ITCH: variants seen among roughly 807,000 people sequenced by gnomAD.
ITCH encodes itchy E3 ubiquitin protein ligase, also known as E3 ubiquitin-protein ligase Itchy homolog.
In ITCH, 28 loss-of-function variants were observed where a neutral mutation model predicts 126.8. That is an observed-to-expected ratio of 0.22 (90% confidence interval 0.16 to 0.30). The LOEUF (loss-of-function observed/expected upper bound fraction) is 0.30, where lower values mean the gene tolerates loss of function less well. ITCH is among the 10% of genes least tolerant of loss of function. The probability of loss-of-function intolerance (pLI) is 1.00; values close to 1 mark genes in which losing one functional copy is unlikely to be tolerated. For synonymous variants in ITCH, 342 were observed against 340.0 expected (o/e 1.01, Z -0.06); for missense variants, 631 against 1,032.4 (o/e 0.61, Z 5.33).
chr20:34,444,466 A>C (rs534261040), intron 10 of ITCH, among the ~76,000 whole-genome samples: 124 of 152,146 alleles, frequency 8.2e-4, no homozygotes, highest in African/African-American at 2.7e-3. Flanking sequence ...GCCTGTAATC[A>C]CAGCTACTCA....
intron 23 of ITCH, among the ~76,000 whole-genome samples, chr20:34,498,769 T>C (rs1005468524): frequency 6.6e-6 from 1 of 152,092 alleles, no homozygotes; most frequent in Admixed American, 6.6e-5. Flanking sequence ...TTTTCTTTTC[T>C]TTTCTTTTCC....
At chr20:34,428,200 C>G (rs1163537716) in intron 7 of ITCH, among the ~76,000 whole-genome samples, 1 of 152,196 alleles carries the variant, frequency 6.6e-6, no homozygotes, top group African/African-American at 2.4e-5. Context: ...TTAAATGTTA[C>G]TACACAATAA....
chr20:34,420,343 T>G (rs1333211635), intron 6 of ITCH, among the ~76,000 whole-genome samples: 1 of 152,242 alleles, frequency 6.6e-6, no homozygotes, highest in Non-Finnish European at 1.5e-5. Context: ...TGACTTTTTT[T>G]GTTTGGATTC....
At chr20:34,442,926 A>G (rs1286664709) in intron 10 of ITCH, among the ~76,000 whole-genome samples, 1 of 150,604 alleles carries the variant, frequency 6.6e-6, no homozygotes, top group Non-Finnish European at 1.5e-5. Flanking sequence ...CAGTGAGCCG[A>G]GATCTCGCCA....
At chr20:34,463,362 CA>C (rs985270502) in intron 14 of ITCH, among the ~76,000 whole-genome samples, 11 of 152,024 alleles carry the variant, frequency 7.2e-5, no homozygotes, top group African/African-American at 2.4e-4. Flanking sequence ...GACTCCGTCT[CA>C]AAAAAACACC....
At chr20:34,466,951 A>T in intron 14 of ITCH, among the ~76,000 whole-genome samples, 1 of 152,202 alleles carries the variant, frequency 6.6e-6, no homozygotes, top group East Asian at 1.9e-4. Context: ...GAACTCAGTG[A>T]AGTGGAAAAG....
At chr20:34,451,706 T>C (rs920546656) in intron 12 of ITCH, among the ~76,000 whole-genome samples, 1 of 152,158 alleles carries the variant, frequency 6.6e-6, no homozygotes, top group African/African-American at 2.4e-5. Flanking sequence ...GTATGTCTTA[T>C]GTTAGAGAAG....
chr20:34,474,310 G>GCCTT (rs1987925416), intron 16 of ITCH, among the ~76,000 whole-genome samples: 1 of 152,200 alleles, frequency 6.6e-6, no homozygotes, highest in Non-Finnish European at 1.5e-5. Context: ...GGACCCTGCG[G>GCCTT]CCTTCCGCAG....
chr20:34,432,977 CAAAA>C (rs1218193301), intron 7 of ITCH, among the ~76,000 whole-genome samples: 3 of 151,164 alleles, frequency 2.0e-5, no homozygotes, highest in African/African-American at 4.9e-5. Flanking sequence ...AACAAACAAA[CAAAA>C]AAACACTATT....
chr20:34,417,520 C>A (rs977750382), intron 6 of ITCH, among the ~76,000 whole-genome samples: 4 of 151,856 alleles, frequency 2.6e-5, no homozygotes, highest in African/African-American at 9.7e-5. Flanking sequence ...CTTCCTCAGC[C>A]TCCCGAGTAG....
chr20:34,506,156 C>T (rs189328001), intron 24 of ITCH, among the ~76,000 whole-genome samples: 7 of 152,030 alleles, frequency 4.6e-5, no homozygotes, highest in Admixed American at 2.0e-4. Flanking sequence ...CTCCACCTCC[C>T]GGGCTCAAAC....
chr20:34,377,427 G>A (rs190302885), intron 2 of ITCH, among the ~76,000 whole-genome samples: 84 of 151,942 alleles, frequency 5.5e-4, no homozygotes, highest in African/African-American at 1.8e-3. Flanking sequence ...TCTTGTTTGG[G>A]GTTTTTGGTT....
At chr20:34,448,921 C>T (rs1375671270) in intron 11 of ITCH, among the ~76,000 whole-genome samples, 4 of 152,132 alleles carry the variant, frequency 2.6e-5, no homozygotes, top group Admixed American at 1.3e-4. Flanking sequence ...GAAACCTTTC[C>T]TTCCACTCAT....
chr20:34,488,861 G>C (rs545561858), intron 20 of ITCH, among the ~76,000 whole-genome samples: 1 of 152,254 alleles, frequency 6.6e-6, no homozygotes, highest in Non-Finnish European at 1.5e-5. Flanking sequence ...ATCACAGAGA[G>C]ACACCATCTC....
rs75390905 is a variant in ITCH, at chr20:34,408,618, A to G, written c.71-33A>G. On this transcript the variant is annotated intron_variant, in intron 3 of 24. Transcript: ENST00000374864. ...ATTTCATGAGTGAATTAACATCTCA[A>G]CTATTGAAATGTTTTTCATTTCTTT... 2.1e-4 allele frequency: 330 copies of G among 1,574,014 alleles called. 1 individual carries two copies. The East Asian group carries it at 3.3e-3, about 16-fold the overall frequency.
chr20:34,406,813 C>T (rs533896503), intron 3 of ITCH, among the ~76,000 whole-genome samples: 1 of 152,248 alleles, frequency 6.6e-6, no homozygotes, highest in East Asian at 1.9e-4. Flanking sequence ...GGATTACAGG[C>T]GTGAGCCACC....
At chr20:34,434,965 T>G (rs1437892430) in intron 7 of ITCH, among the ~76,000 whole-genome samples, 1 of 152,144 alleles carries the variant, frequency 6.6e-6, no homozygotes, top group Non-Finnish European at 1.5e-5. Flanking sequence ...TTTTTCTATC[T>G]TTTGCCTAGG....
chr20:34,408,799 T>G lies in ITCH; in HGVS notation c.212+7T>G, dbSNP rs372393964. The G allele has an allele frequency of 3.1e-6, 5 of 1,613,342 alleles. No homozygotes were observed. Among genetic ancestry groups the G allele is most frequent in the Non-Finnish European group, 4.2e-6 (5 of 1,179,642 alleles). On this transcript the variant is annotated splice_region_variant and intron_variant, in intron 4 of 24. Transcript: ENST00000374864. ...GGAAGCAACCCCTTACAGTGTAAGC[T>G]TGGAAGTATTTTTCTGTAGTATGTT...
intron 9 of ITCH, chr20:34,442,006 G>A: frequency 1.7e-6 from 1 of 594,824 alleles, no homozygotes; most frequent in South Asian, 1.9e-5. Flanking sequence ...TTGCATAGAA[G>A]AAATTGAATT....
Sources: gnomAD v4.1 joint callset for allele counts (sites outside exome capture counted in the v4.1 genomes callset) on GRCh38, gnomAD v4.1.1 for gene constraint, MANE v1.5 for transcripts, NCBI Gene and HGNC (gene_info 2026-07-23, HGNC 2026-07-21) for gene names.